The following THTPA variants were observed in gnomAD, a reference collection of about 807,000 sequenced individuals.
THTPA encodes thiamine triphosphatase, also known as thiamine-triphosphatase.
THTPA carries 16 observed loss-of-function variants against 16.5 expected under a neutral mutation model. The ratio of observed to expected loss-of-function variants is 0.97; its 90% CI spans 0.66 to 1.47. The LOEUF is 1.47. THTPA is among the 40% of genes most tolerant of loss of function. The probability of loss-of-function intolerance (pLI) is 0.00; values close to 1 mark genes in which losing one functional copy is unlikely to be tolerated. For missense variants in THTPA, 281 were observed against 280.9 expected, an observed-to-expected ratio of 1.00 and a Z score of 0.00; for synonymous variants, 110 against 115.5, an observed-to-expected ratio of 0.95 and a Z score of 0.30.
chr14:23,517,199 A>C, the THTPA span, among the ~76,000 whole-genome samples: 1 of 152,158 alleles, frequency 6.6e-6, no homozygotes, highest in African/African-American at 2.4e-5. Context: ...TATATGAAGG[A>C]GCGTCACTGG....
the THTPA span, chr14:23,530,329 A>T: frequency 8.1e-6 from 6 of 742,464 alleles, no homozygotes; most frequent in Non-Finnish European, 9.4e-6. Context: ...GTAGGAGAGT[A>T]TGAAAAGCCA....
the THTPA span, chr14:23,526,127 T>G: frequency 1.3e-6 from 2 of 1,536,490 alleles, no homozygotes. Flanking sequence ...GCGAGTCTGA[T>G]GCAGAACTGA....
At chr14:23,554,372 T>C (rs777391747), upstream of THTPA, among the ~76,000 whole-genome samples, 26 of 152,060 alleles carry the variant, frequency 1.7e-4, no homozygotes, top group Non-Finnish European at 3.5e-4. Context: ...AAGTTCAAGA[T>C]GCCATTTGTT....
the THTPA span, chr14:23,532,427 A>G: frequency 2.9e-6 from 3 of 1,044,276 alleles, no homozygotes; most frequent in South Asian, 4.5e-5. Flanking sequence ...ACCCTGGTAC[A>G]TATGTCATTA....
At chr14:23,531,762 C>T in the THTPA span, 1 of 1,287,550 alleles carries the variant, frequency 7.8e-7, no homozygotes. Flanking sequence ...CCAGAAGGGA[C>T]ATGCCAGACC....
chr14:23,516,470 C>A, the THTPA span, among the ~76,000 whole-genome samples: 1 of 152,176 alleles, frequency 6.6e-6, no homozygotes, highest in African/African-American at 2.4e-5. Context: ...CAATGATCCT[C>A]ACTGGCAGTA....
the THTPA span, chr14:23,534,166 G>A: frequency 6.8e-7 from 1 of 1,473,844 alleles, no homozygotes; most frequent in East Asian, 2.5e-5. The surrounding 1 kb of genome is among the most constrained non-coding windows in gnomAD (Gnocchi z 4.5). Flanking sequence ...GTTGAGTGGG[G>A]GGCAGAGCCC....
chr14:23,526,650 G>C, the THTPA span: 1 of 1,535,992 alleles, frequency 6.5e-7, no homozygotes, highest in Non-Finnish European at 8.7e-7. Flanking sequence ...AGAGGATCTG[G>C]ACTGGCTTCT....
the THTPA span, chr14:23,526,234 G>A: frequency 1.3e-4 from 204 of 1,536,328 alleles, 3 homozygotes; most frequent in East Asian, 1.3e-3. Context: ...TGGTGGGTGG[G>A]GCACCGGCCT....
At chr14:23,558,179 G>A (rs1882733255) in intron 1 of THTPA, among the ~76,000 whole-genome samples, 1 of 152,202 alleles carries the variant, frequency 6.6e-6, no homozygotes, top group Non-Finnish European at 1.5e-5. Flanking sequence ...ACAAGACACT[G>A]GCAACAGGCA....
At position 23,556,597 on chromosome 14, in the gene THTPA, G is replaced by A; in HGVS notation, c.-161G>A. 1 of 725,594 alleles carries A rather than the reference G, an allele frequency of 1.4e-6. No homozygotes were observed. The highest frequency in any genetic ancestry group is 2.2e-6 in the Non-Finnish European group (1 of 453,020). The allele number at this position is 725,594 out of a possible 1,614,324, so 44.9% of individuals were successfully genotyped here. A position where few individuals can be genotyped will look rare whatever the true frequency, so the allele number is the denominator to read the frequency against. ...GGGGCCTTAATGTCACCGAGGTAGA[G>A]AGAAAAGGGCAGTAGCCCTAGAGAC... On this transcript the variant is annotated 5_prime_UTR_variant, in exon 1 of 2. Transcript: ENST00000288014.
At chr14:23,522,612 C>T in the THTPA span, 3 of 1,532,156 alleles carry the variant, frequency 2.0e-6, no homozygotes, top group Non-Finnish European at 2.6e-6. Flanking sequence ...GCTGGCGGTG[C>T]TGTTCCCCCA....
rs1330087991 is a variant in THTPA, at chr14:23,556,441, A to AG, written c.-311dup. 12 of 310,396 alleles carry AG rather than the reference A, an allele frequency of 3.9e-5. No individual in the cohort carries two copies. The highest frequency in any genetic ancestry group is 4.8e-5 in the Non-Finnish European group (8 of 167,910). 19.2% of individuals were successfully genotyped at this position (310,396 alleles called of 1,614,324 possible). ...CCTCCTGGGGTGGCAAGGTGTAGAG[A>AG]GGGGGGCGTTGAAAGGACACCCGCT... is the stretch of plus-strand genomic sequence containing the variant. On this transcript the variant is annotated 5_prime_UTR_variant, in exon 1 of 2. Coordinates refer to ENST00000288014, the MANE Select transcript of THTPA (RefSeq NM_024328.6).
chr14:23,521,823 G>A, the THTPA span: 5 of 1,398,678 alleles, frequency 3.6e-6, no homozygotes, highest in South Asian at 3.0e-5. Context: ...GGTGCCCACT[G>A]AGGGTGGGAA....
upstream of THTPA, chr14:23,551,313 C>G (rs565913896): frequency 6.5e-6 from 1 of 152,722 alleles, no homozygotes; most frequent in East Asian, 1.9e-4. This position sits in a 1 kb window ranked among gnomAD's most constrained non-coding sequence, Gnocchi z 5.3. Context: ...AAAAAACCAA[C>G]CCAGCAGCAT....
the THTPA span, chr14:23,532,655 T>C: frequency 2.7e-6 from 4 of 1,489,252 alleles, 1 homozygote; most frequent in South Asian, 5.2e-5. Context: ...GTCACAGATG[T>C]TGCAGCGCAG....
At chr14:23,520,693 G>A in the THTPA span, among the ~76,000 whole-genome samples, 1 of 151,730 alleles carries the variant, frequency 6.6e-6, no homozygotes, top group Non-Finnish European at 1.5e-5. This position sits in a 1 kb window ranked among gnomAD's most constrained non-coding sequence, Gnocchi z 8.7. Flanking sequence ...AGCAGGGGAG[G>A]GCTGCACCGG....
At chr14:23,522,338 G>T in the THTPA span, 3 of 1,535,058 alleles carry the variant, frequency 2.0e-6, no homozygotes, top group Non-Finnish European at 2.6e-6. Context: ...GTAGCGATGG[G>T]TTACATCCAC....
At chr14:23,538,454 C>T in the THTPA span, among the ~76,000 whole-genome samples, 1 of 152,060 alleles carries the variant, frequency 6.6e-6, no homozygotes, top group African/African-American at 2.4e-5. Flanking sequence ...TCTTTCCTTC[C>T]TTCCCTCTCA....
Sources: gnomAD v4.1 joint callset for allele counts (sites outside exome capture counted in the v4.1 genomes callset) on GRCh38, gnomAD v4.1.1 for gene constraint, Gnocchi (gnomAD v3.1) non-coding constraint, MANE v1.5 for transcripts, NCBI Gene and HGNC (gene_info 2026-07-23, HGNC 2026-07-21) for gene names.